Variants in EVL observed in about 807,000 individuals in gnomAD.
The protein encoded by EVL is ena/VASP-like protein.
In EVL, 21 loss-of-function variants were observed where a neutral mutation model predicts 59.6. The observed-to-expected ratio is 0.35, with a 90% CI of 0.25 to 0.51. EVL has a LOEUF of 0.51. EVL is among the 20% of genes least tolerant of loss of function. The pLI, the probability that EVL is intolerant of heterozygous loss-of-function variation, is 0.97. For synonymous variants in EVL, 198 were observed against 203.5 expected (o/e 0.97, Z 0.23); for missense variants, 462 against 546.6 (o/e 0.85, Z 1.54).
chr14:100,110,484 A>T (rs1218335610), intron 3 of EVL, among the ~76,000 whole-genome samples: 1 of 152,066 alleles, frequency 6.6e-6, no homozygotes, highest in Non-Finnish European at 1.5e-5. Context: ...TGGTCAGAGA[A>T]CACTTTCTGA....
chr14:99,994,567 C>G lies in EVL; in HGVS notation c.5+22510C>G, dbSNP rs74088208. On this transcript the variant is annotated intron_variant, in intron 1 of 13. Transcript: ENST00000402714. ...CTCTACTCCTTTACATCCCTGTCCA[C>G]CCCGTTATGTTATTGATAATACAAA... 0.012 allele frequency among the ~76,000 whole-genome samples: 1,761 copies of G among 152,258 alleles called. 82 individuals are homozygous for G. The East Asian group carries it at 0.16, about 14-fold the overall frequency.
At chr14:100,064,146 A>G (rs941422749), upstream of EVL, among the ~76,000 whole-genome samples, 33 of 152,210 alleles carry the variant, frequency 2.2e-4, no homozygotes, top group African/African-American at 7.2e-4. Flanking sequence ...TTAGCATTCA[A>G]AGTGCATTCA....
At chr14:100,022,957 C>CG (rs1782001903) in intron 1 of EVL, among the ~76,000 whole-genome samples, 1 of 152,090 alleles carries the variant, frequency 6.6e-6, no homozygotes, top group African/African-American at 2.4e-5. Context: ...GAAGTCATCA[C>CG]GTTTCATTAA....
chr14:100,024,287 A>G (rs1255634342), intron 1 of EVL, among the ~76,000 whole-genome samples: 1 of 152,202 alleles, frequency 6.6e-6, no homozygotes, highest in Non-Finnish European at 1.5e-5. Context: ...ACAAGTCAAA[A>G]TGAGTAGTAT....
At chr14:100,098,954 C>A (rs1348833343) in intron 3 of EVL, among the ~76,000 whole-genome samples, 1 of 151,856 alleles carries the variant, frequency 6.6e-6, no homozygotes, top group African/African-American at 2.4e-5. Flanking sequence ...AGTATTATTA[C>A]GATCATTATT....
At chr14:100,111,680 A>C (rs1887003904) in intron 3 of EVL, among the ~76,000 whole-genome samples, 1 of 152,166 alleles carries the variant, frequency 6.6e-6, no homozygotes, top group Non-Finnish European at 1.5e-5. Context: ...TATACTCCTT[A>C]CAGAAAGGAA....
At chr14:100,129,994 A>G (rs1460014653) in intron 7 of EVL, among the ~76,000 whole-genome samples, 3 of 152,254 alleles carry the variant, frequency 2.0e-5, no homozygotes, top group Non-Finnish European at 4.4e-5. Flanking sequence ...ATGCGGGAAA[A>G]AGAACAGTCC....
At chr14:100,072,923 G>A (rs2062079581) in intron 1 of EVL, among the ~76,000 whole-genome samples, 1 of 152,216 alleles carries the variant, frequency 6.6e-6, no homozygotes. Flanking sequence ...TCTAGTCCAG[G>A]CTCTGCCGCG....
chr14:100,125,858 CATA>C (rs1306563657), intron 4 of EVL, among the ~76,000 whole-genome samples: 3 of 152,126 alleles, frequency 2.0e-5, no homozygotes, highest in African/African-American at 7.2e-5. Context: ...CCAGCCATTC[CATA>C]ATGTTTTAGT....
At chr14:100,061,762 A>G (rs2061838775), upstream of EVL, among the ~76,000 whole-genome samples, 1 of 152,202 alleles carries the variant, frequency 6.6e-6, no homozygotes, top group Non-Finnish European at 1.5e-5. Flanking sequence ...TGTATTATAC[A>G]CTGTATTCTT....
At chr14:100,052,795 T>C (rs1339631884) in intron 1 of EVL, 1 of 152,120 alleles carries the variant, frequency 6.6e-6, no homozygotes, top group East Asian at 1.9e-4. Flanking sequence ...TCTAAATACT[T>C]TTAGAAGGTA....
intron 1 of EVL, among the ~76,000 whole-genome samples, chr14:99,985,426 G>A (rs2060833707): frequency 6.6e-6 from 1 of 152,044 alleles, no homozygotes; most frequent in African/African-American, 2.4e-5. Context: ...CTTTTCAGAT[G>A]CTTGAAGACA....
chr14:100,051,844 G>A (rs2061652956), intron 1 of EVL, among the ~76,000 whole-genome samples: 1 of 152,178 alleles, frequency 6.6e-6, no homozygotes, highest in Non-Finnish European at 1.5e-5. Context: ...AAATGTGTCT[G>A]TGTGCTGCTG....
chr14:99,972,958 G>T lies in EVL; in HGVS notation c.5+901G>T, dbSNP rs1272954455. ...CTGGTGTTTTTCAAGATGTTTTCGA[G>T]ATCCATTCCGTTGTAATCGTTATTT... On this transcript the variant is annotated intron_variant, in intron 1 of 13. Transcript: ENST00000402714. This position sits in a 1 kb window ranked among gnomAD's most constrained non-coding sequence, Gnocchi z 4.4. 1.3e-5 allele frequency among the ~76,000 whole-genome samples: 2 copies of T among 152,112 alleles called. No individual in the cohort carries two copies. Among genetic ancestry groups the T allele is most frequent in the African/African-American group, 2.4e-5 (1 of 41,412 alleles).
intron 1 of EVL, among the ~76,000 whole-genome samples, chr14:100,043,726 C>T (rs1161690713): frequency 6.6e-6 from 1 of 151,928 alleles, no homozygotes; most frequent in East Asian, 1.9e-4. Flanking sequence ...AATCCTCCCA[C>T]CTCAGCCTCC....
At chr14:100,105,896 A>G (rs547856742) in intron 3 of EVL, 25 of 152,366 alleles carry the variant, frequency 1.6e-4, no homozygotes, top group African/African-American at 4.8e-4. Flanking sequence ...AACTCTGCAG[A>G]AAGTTTGACT....
chr14:100,061,116 C>T (rs2061820416), upstream of EVL, among the ~76,000 whole-genome samples: 4 of 152,184 alleles, frequency 2.6e-5, no homozygotes, highest in South Asian at 8.3e-4. Context: ...GGAGGCCAGG[C>T]ATGGTGGCTC....
chr14:100,027,616 G>A (rs953025118), intron 1 of EVL, among the ~76,000 whole-genome samples: 1 of 152,036 alleles, frequency 6.6e-6, no homozygotes, highest in Admixed American at 6.6e-5. Flanking sequence ...ATATTCTACT[G>A]TATATTTATA....
chr14:99,974,134 C>T (rs1212874703), intron 1 of EVL, among the ~76,000 whole-genome samples: 1 of 151,904 alleles, frequency 6.6e-6, no homozygotes, highest in African/African-American at 2.4e-5. Context: ...TAAAATGTAC[C>T]CATTTAAAGC....
Sources: allele counts gnomAD v4.1 joint callset (sites outside exome capture counted in the v4.1 genomes callset), GRCh38; gene constraint gnomAD v4.1.1; non-coding constraint Gnocchi (gnomAD v3.1); transcripts MANE v1.5; gene names NCBI Gene and HGNC (gene_info 2026-07-23, HGNC 2026-07-21).